The following FBXO38 variants were observed in gnomAD, a reference collection of about 807,000 sequenced individuals.
FBXO38 encodes the protein F-box protein 38, also known as F-box only protein 38.
A neutral mutation model predicts 131.9 loss-of-function variants in FBXO38; 53 were observed. The ratio of observed to expected loss-of-function variants is 0.40; its 90% CI spans 0.32 to 0.51. FBXO38 has a LOEUF of 0.51. FBXO38 is among the 20% of genes least tolerant of loss of function. The probability of loss-of-function intolerance (pLI) is 0.53; values close to 1 mark genes in which losing one functional copy is unlikely to be tolerated. For missense variants in FBXO38, 1,076 were observed against 1,475.6 expected, an observed-to-expected ratio of 0.73 and a Z score of 4.44; for synonymous variants, 452 against 505.6, an observed-to-expected ratio of 0.89 and a Z score of 1.42.
At chr5:148,417,613 A>G (rs1156787385) in intron 12 of FBXO38, among the ~76,000 whole-genome samples, 2 of 152,212 alleles carry the variant, frequency 1.3e-5, no homozygotes, top group Admixed American at 1.3e-4. Context: ...TGGGCTAGAC[A>G]TTGGCACCTT....
chr5:148,396,090 G>T (rs1415760541), intron 2 of FBXO38, among the ~76,000 whole-genome samples: 2 of 151,942 alleles, frequency 1.3e-5, no homozygotes, highest in Non-Finnish European at 2.9e-5. Context: ...AAATGTGTAT[G>T]TCATTATTTC....
Position 148,419,692 on chromosome 5 carries a change from T to C in FBXO38, c.1618+2488T>C, listed in dbSNP as rs1305394510. On this transcript the variant is annotated intron_variant, in intron 12 of 21. Transcript: ENST00000340253. ...GAGTTTTCAAGGATGTAGTGAGTTATGATCACACCACTACGCTCCAGCCTG... is the reference window on the plus strand; with the variant it reads ...GAGTTTTCAAGGATGTAGTGAGTTACGATCACACCACTACGCTCCAGCCTG... 8.5e-5 allele frequency among the ~76,000 whole-genome samples: 13 copies of C among 152,076 alleles called. No homozygotes were observed. In the East Asian group the frequency reaches 2.5e-3, roughly 29 times the overall value.
At chr5:148,435,282 T>A (rs1754279714) in intron 17 of FBXO38, among the ~76,000 whole-genome samples, 1 of 152,200 alleles carries the variant, frequency 6.6e-6, no homozygotes, top group Non-Finnish European at 1.5e-5. Flanking sequence ...TCAAACTTTC[T>A]CCATATCATC....
intron 4 of FBXO38, 101 bp downstream of exon 4, chr5:148,402,246 A>G (rs1038926081): frequency 6.5e-7 from 1 of 1,544,640 alleles, no homozygotes. Context: ...CATCTGTCAC[A>G]AACTTTTAAG....
At chr5:148,409,092 G>A in intron 7 of FBXO38, 32 bp from the exon 8 acceptor site, 1 of 1,265,474 alleles carries the variant, frequency 7.9e-7, no homozygotes, top group Non-Finnish European at 1.2e-6. Context: ...AAATGCTATG[G>A]TCAAACACTT....
chr5:148,384,386 T>A (rs566428423), intron 1 of FBXO38, among the ~76,000 whole-genome samples: 1 of 152,304 alleles, frequency 6.6e-6, no homozygotes, highest in Admixed American at 6.5e-5. Context: ...ACGAATTTCA[T>A]GATTTTAATG....
At chr5:148,396,346 A>G (rs1000829383) in intron 2 of FBXO38, among the ~76,000 whole-genome samples, 3 of 152,182 alleles carry the variant, frequency 2.0e-5, no homozygotes, top group Non-Finnish European at 2.9e-5. Flanking sequence ...GGTAAAGGAG[A>G]CAAACATAGG....
At chr5:148,406,213 AG>A in intron 6 of FBXO38, 43 bp from the exon 7 acceptor site, 1 of 1,481,816 alleles carries the variant, frequency 6.7e-7, no homozygotes, top group Non-Finnish European at 9.0e-7. Context: ...ATTCATTTTA[AG>A]GCACTTTACA....
chr5:148,433,610 T>G (rs1359002782), intron 16 of FBXO38, 25 bp from the exon 17 acceptor site: 16 of 1,562,302 alleles, frequency 1.0e-5, no homozygotes, highest in Admixed American at 1.8e-5. Context: ...TATCTTTATA[T>G]AGTTTCTAAT....
intron 1 of FBXO38, 107 bp from the exon 2 acceptor site, chr5:148,394,607 C>T (rs1330788082): frequency 4.9e-6 from 2 of 407,874 alleles, no homozygotes; most frequent in African/African-American, 4.2e-5. Flanking sequence ...GTGATGTGTA[C>T]CATTATGATA....
At chr5:148,434,344 G>T (rs1263631587) in intron 17 of FBXO38, 1 of 151,988 alleles carries the variant, frequency 6.6e-6, no homozygotes, top group Non-Finnish European at 1.5e-5. Flanking sequence ...CATTAGTTTT[G>T]TGCTTTCTTA....
intron 1 of FBXO38, among the ~76,000 whole-genome samples, chr5:148,393,283 C>A (rs1325799315): frequency 7.0e-6 from 1 of 143,272 alleles, no homozygotes; most frequent in African/African-American, 2.6e-5. Context: ...TAGCACATAA[C>A]CTTTCAGTGA....
chr5:148,400,363 C>T (rs904815370), intron 3 of FBXO38, among the ~76,000 whole-genome samples: 7 of 151,968 alleles, frequency 4.6e-5, no homozygotes, highest in Non-Finnish European at 7.4e-5. Context: ...ATTCTGAAGA[C>T]GGGATTAACA....
chr5:148,439,599 T>A (rs772293636), intron 18 of FBXO38, 48 bp from the exon 19 acceptor site: 7 of 1,562,758 alleles, frequency 4.5e-6, no homozygotes, highest in Non-Finnish European at 6.1e-6. Context: ...GAGAGATTTC[T>A]AAGGCATTCT....
chr5:148,438,517 T>G lies in FBXO38; in HGVS notation c.3024+19T>G. 1 of 1,605,830 alleles carries G rather than the reference T, an allele frequency of 6.2e-7. No homozygotes were observed. The highest frequency in any genetic ancestry group is 8.5e-7 in the Non-Finnish European group (1 of 1,176,702). On this transcript the variant is annotated intron_variant, in intron 18 of 21. Coordinates refer to ENST00000340253, the MANE Select transcript of FBXO38 (RefSeq NM_205836.3). ...GCAGCAGGTAACGAGCTTTGCTTCT[T>G]TCCGATGATACACATATTGTGGTGT...
At chr5:148,418,757 GAC>G (rs1227964553) in intron 12 of FBXO38, among the ~76,000 whole-genome samples, 1 of 152,214 alleles carries the variant, frequency 6.6e-6, no homozygotes, top group African/African-American at 2.4e-5. Flanking sequence ...GGTTTGAGTT[GAC>G]ACACAGATTG....
intron 15 of FBXO38, among the ~76,000 whole-genome samples, chr5:148,432,657 G>C (rs1170300918): frequency 6.6e-6 from 1 of 152,236 alleles, no homozygotes; most frequent in Non-Finnish European, 1.5e-5. Context: ...TGTTTTACCT[G>C]TGATGCATTC....
intron 3 of FBXO38, 93 bp downstream of exon 3, chr5:148,399,225 C>A: frequency 7.1e-7 from 1 of 1,416,432 alleles, no homozygotes; most frequent in Non-Finnish European, 9.6e-7. Context: ...TTGAGAAAGG[C>A]AATCTAAGTC....
At chr5:148,421,256 G>T (rs563061300) in intron 12 of FBXO38, among the ~76,000 whole-genome samples, 1 of 152,084 alleles carries the variant, frequency 6.6e-6, no homozygotes, top group Non-Finnish European at 1.5e-5. Flanking sequence ...GAGCCACCAC[G>T]CCCGGCCAAG....
Sources: allele counts gnomAD v4.1 joint callset (sites outside exome capture counted in the v4.1 genomes callset), GRCh38; gene constraint gnomAD v4.1.1; transcripts MANE v1.5; gene names NCBI Gene and HGNC (gene_info 2026-07-23, HGNC 2026-07-21).